The following MCM9 variants were observed in gnomAD, a reference collection of about 807,000 sequenced individuals.
MCM9 encodes DNA helicase MCM9.
Under a neutral mutation model 72.8 loss-of-function variants are expected in MCM9, and 55 were observed. The observed-to-expected ratio is 0.76, with a 90% CI of 0.61 to 0.95. The LOEUF is 0.95. MCM9 is among the 40% of genes least tolerant of loss of function. The pLI is 0.00. For missense variants in MCM9, 1,279 were observed against 1,377.0 expected (o/e 0.93, Z 1.13); for synonymous variants, 480 against 503.4 (o/e 0.95, Z 0.62).
intron 13 of MCM9, among the ~76,000 whole-genome samples, chr6:118,823,538 T>C (rs967916903): frequency 5.9e-5 from 9 of 152,192 alleles, no homozygotes; most frequent in Non-Finnish European, 1.2e-4. Context: ...GCTGTTCCTA[T>C]TTGGCCATCT....
rs1433829440 is a variant in MCM9 at position 118,931,417 on chromosome 6, T to C, written c.304+3A>G. The C allele has an allele frequency of 6.2e-7, 1 of 1,604,396 alleles. No homozygotes were observed. Among genetic ancestry groups the C allele is most frequent in the African/African-American group, 1.3e-5 (1 of 74,682 alleles). ...ATGGCAGTAAAATCCTTAAGTGATT[T>C]ACCTGATATCCTGGCATGAAGATTC... is the stretch of plus-strand genomic sequence containing the variant. On this transcript the variant is annotated splice_donor_region_variant and intron_variant, in intron 3 of 13. Coordinates refer to ENST00000619706, the MANE Select transcript of MCM9 (RefSeq NM_017696.3).
chr6:118,901,827 C>CT (rs757499262), intron 8 of MCM9, among the ~76,000 whole-genome samples: 1 of 152,200 alleles, frequency 6.6e-6, no homozygotes, highest in Non-Finnish European at 1.5e-5. Flanking sequence ...GAAAGAAAAT[C>CT]TAACTCTTCC....
chr6:118,898,967 T>C (rs1236067436), intron 8 of MCM9, among the ~76,000 whole-genome samples: 1 of 152,198 alleles, frequency 6.6e-6, no homozygotes, highest in Non-Finnish European at 1.5e-5. Context: ...TCAGTATCTC[T>C]GCTTAGAAGC....
chr6:118,905,086 T>C (rs1780083831), intron 8 of MCM9, among the ~76,000 whole-genome samples: 1 of 152,234 alleles, frequency 6.6e-6, no homozygotes, highest in Middle Eastern at 3.2e-3. Context: ...TCCACCCACC[T>C]TGGCCTCCCA....
intron 10 of MCM9, 85 bp from the exon 11 acceptor site, chr6:118,828,215 A>G (rs1031664010): frequency 9.2e-7 from 1 of 1,091,782 alleles, no homozygotes; most frequent in South Asian, 1.6e-5. Context: ...TCTGGTACTC[A>G]TTTGTTAAAA....
At chr6:118,837,583 T>C (rs1775050437) in intron 9 of MCM9, among the ~76,000 whole-genome samples, 1 of 152,230 alleles carries the variant, frequency 6.6e-6, no homozygotes, top group Non-Finnish European at 1.5e-5. Context: ...TCAGGATAGT[T>C]AGGTCTTCTT....
intron 9 of MCM9, among the ~76,000 whole-genome samples, chr6:118,831,639 G>A (rs572620908): frequency 2.0e-5 from 3 of 151,994 alleles, no homozygotes; most frequent in South Asian, 2.1e-4. Flanking sequence ...AAACTAAATG[G>A]GGCTTTAGAA....
chr6:118,888,709 G>A (rs764220996), intron 8 of MCM9, among the ~76,000 whole-genome samples: 10 of 151,938 alleles, frequency 6.6e-5, no homozygotes, highest in Non-Finnish European at 1.0e-4. Context: ...TAAATAAAAC[G>A]TGGTATACCT....
chr6:118,913,561 C>T, intron 6 of MCM9, 141 bp from the exon 7 acceptor site: 3 of 1,064,488 alleles, frequency 2.8e-6, no homozygotes, highest in Non-Finnish European at 4.0e-6. Flanking sequence ...TTCCAAATGA[C>T]CAACAGGATT....
In MCM9 at chr6:118,815,777, A is replaced by T. The variant is rs2114488411; in HGVS notation, c.2479T>A (p.Ser827Thr). Residue 827 changes from serine (S) to threonine (T), a missense_variant, in exon 14 of 14, where the codon TCT (serine) becomes ACT (threonine). Coordinates refer to ENST00000619706, the MANE Select transcript of MCM9 (RefSeq NM_017696.3). ...TTATCAGCAGAGACTGCTGCTTCAGAATCTAGTGCTAGCCTTTTTTTCTTG... is the reference window on the plus strand; with the variant it reads ...TTATCAGCAGAGACTGCTGCTTCAGTATCTAGTGCTAGCCTTTTTTTCTTG... ...SNKKKRLALD[S>T]EAAVSADKPD... is the part of the protein sequence containing the mutation. 6.5e-7 allele frequency: 1 copy of T among 1,540,646 alleles called. No homozygotes were observed. The highest frequency in any genetic ancestry group is 2.4e-5 in the East Asian group (1 of 40,894).
At chr6:118,852,108 G>T (rs1167759680) in intron 9 of MCM9, among the ~76,000 whole-genome samples, 1 of 152,152 alleles carries the variant, frequency 6.6e-6, no homozygotes, top group Non-Finnish European at 1.5e-5. Context: ...AGCCTACACA[G>T]CACGTTACTG....
At chr6:118,843,381 C>A (rs984256731) in intron 9 of MCM9, among the ~76,000 whole-genome samples, 1 of 151,250 alleles carries the variant, frequency 6.6e-6, no homozygotes, top group Non-Finnish European at 1.5e-5. Context: ...GTAATCCCAG[C>A]ACTTTGGGAG....
At chr6:118,891,962 A>G (rs1778974788) in intron 8 of MCM9, among the ~76,000 whole-genome samples, 1 of 152,204 alleles carries the variant, frequency 6.6e-6, no homozygotes, top group Non-Finnish European at 1.5e-5. Flanking sequence ...CTGTTGTACA[A>G]TTAGATGTTT....
intron 13 of MCM9, among the ~76,000 whole-genome samples, chr6:118,825,026 T>C (rs1019883957): frequency 1.3e-5 from 2 of 152,248 alleles, no homozygotes; most frequent in African/African-American, 4.8e-5. Flanking sequence ...AATTGCCATC[T>C]TTCTAATTCA....
At chr6:118,848,603 AG>A (rs1191226114) in intron 9 of MCM9, among the ~76,000 whole-genome samples, 2 of 151,890 alleles carry the variant, frequency 1.3e-5, no homozygotes, top group Non-Finnish European at 2.9e-5. Context: ...TAATCTCCAC[AG>A]AAAAAGTTTG....
At position 118,815,025 on chromosome 6, in the gene MCM9, T is replaced by G; in HGVS notation, c.3231A>C (p.Glu1077Asp). 2 of 1,550,338 alleles carry G rather than the reference T, an allele frequency of 1.3e-6. No individual in the cohort carries two copies. Among genetic ancestry groups the G allele is most frequent in the Non-Finnish European group, 1.7e-6 (2 of 1,146,774 alleles). The change falls in exon 14 of 14, where the codon GAA becomes GAC. Residue 1077 changes from glutamate to aspartate, a missense_variant. By Grantham distance (45) the Glu-to-Asp change is conservative. Coordinates refer to ENST00000619706, the MANE Select transcript of MCM9 (RefSeq NM_017696.3). ...GGCCTCTCTCACCTCGGTTCTTCCT[T>G]TCAGGAGGAGGGGATTTTGATTTGG... The part of the protein sequence containing the change: ...SESKSKSPPP[E>D]RKNRGERGPS...
At chr6:118,905,866 A>G (rs979336823) in intron 8 of MCM9, 38 of 1,468,258 alleles carry the variant, frequency 2.6e-5, no homozygotes, top group Non-Finnish European at 3.5e-5. Flanking sequence ...TACTTTTACT[A>G]TGCAATTTTT....
chr6:118,926,044 C>T (rs1243251574), intron 3 of MCM9, among the ~76,000 whole-genome samples: 1 of 152,162 alleles, frequency 6.6e-6, no homozygotes, highest in African/African-American at 2.4e-5. Context: ...AGAATATTTT[C>T]ATAATTTCAA....
chr6:118,819,453 C>T (rs1050402908), intron 13 of MCM9, among the ~76,000 whole-genome samples: 4 of 152,198 alleles, frequency 2.6e-5, no homozygotes, highest in African/African-American at 9.7e-5. Flanking sequence ...ACCAGCCTTG[C>T]ATCCCAGAGA....
Sources: allele counts gnomAD v4.1 joint callset (sites outside exome capture counted in the v4.1 genomes callset), GRCh38; gene constraint gnomAD v4.1.1; transcripts MANE v1.5; gene names NCBI Gene and HGNC (gene_info 2026-07-23, HGNC 2026-07-21).